MRAP: variants seen among roughly 807,000 people sequenced by gnomAD.
MRAP encodes the protein melanocortin 2 receptor accessory protein, also known as melanocortin-2 receptor accessory protein.
Under a neutral mutation model 8.7 loss-of-function variants are expected in MRAP, and 8 were observed. The ratio of observed to expected loss-of-function variants is 0.92; its 90% CI spans 0.54 to 1.66. The LOEUF (loss-of-function observed/expected upper bound fraction) is 1.66, where lower values mean the gene tolerates loss of function less well. Ranked by LOEUF, MRAP falls within the 40% of genes most tolerant of loss-of-function variation. The pLI is 0.00. For missense variants in MRAP, 237 were observed against 217.1 expected, an observed-to-expected ratio of 1.09 and a Z score of -0.58; for synonymous variants, 95 against 95.5, an observed-to-expected ratio of 1.00 and a Z score of 0.03.
chr21:32,303,514 C>T (rs1052062415), intron 1 of MRAP, among the ~76,000 whole-genome samples: 3 of 152,186 alleles, frequency 2.0e-5, no homozygotes, highest in Admixed American at 6.5e-5. Flanking sequence ...GGACTAATTC[C>T]CCTCATTCCA....
intron 1 of MRAP, among the ~76,000 whole-genome samples, chr21:32,302,745 G>A (rs943359838): frequency 2.0e-5 from 3 of 152,158 alleles, no homozygotes; most frequent in Non-Finnish European, 4.4e-5. Context: ...ACGGACACAC[G>A]GTGCTAGAAG....
At chr21:32,310,317 G>A (rs1011147882) in intron 2 of MRAP, among the ~76,000 whole-genome samples, 2 of 150,532 alleles carry the variant, frequency 1.3e-5, no homozygotes, top group African/African-American at 4.9e-5. Flanking sequence ...ATTCCCTGAG[G>A]AGCTGACACC....
chr21:32,305,523 G>A (rs2032393594), intron 1 of MRAP, among the ~76,000 whole-genome samples: 1 of 152,194 alleles, frequency 6.6e-6, no homozygotes, highest in South Asian at 2.1e-4. Context: ...CACTGCAGAA[G>A]TTCAGAGGAG....
Position 32,306,693 on chromosome 21 carries a change from T to C in MRAP, c.160T>C (p.Phe54Leu). 6.2e-7 allele frequency: 1 copy of C among 1,614,162 alleles called. No homozygotes were observed. Among genetic ancestry groups the C allele is most frequent in the Non-Finnish European group, 8.5e-7 (1 of 1,180,032 alleles). ...VSLAAFVVLL[F>L]LILLYMSWSA... ...CCTGGCTGCCTTCGTGGTGCTGCTCTTCCTCATCTTGCTCTACATGTCCTG... is the reference window on the plus strand; with the variant it reads ...CCTGGCTGCCTTCGTGGTGCTGCTCCTCCTCATCTTGCTCTACATGTCCTG... The change falls in exon 2 of 3, where the codon TTC becomes CTC. Residue 54 changes from phenylalanine to leucine, a missense_variant. Transcript: ENST00000303645.
chr21:32,308,332 G>A (rs1461166997), intron 2 of MRAP, among the ~76,000 whole-genome samples: 1 of 151,888 alleles, frequency 6.6e-6, no homozygotes, highest in African/African-American at 2.4e-5. Flanking sequence ...AACCGAGATT[G>A]CACCACTGCA....
chr21:32,312,008 C>T lies in MRAP; in HGVS notation c.*12C>T, dbSNP rs199770057. ...AATTGCAGAGCTGATGTCAGTAAATCGTGGCCATAGCTGAGTGAACTGGTG... is the reference window on the plus strand; with the variant it reads ...AATTGCAGAGCTGATGTCAGTAAATTGTGGCCATAGCTGAGTGAACTGGTG... On this transcript the variant is annotated 3_prime_UTR_variant, in exon 3 of 3. Coordinates refer to ENST00000303645, the MANE Select transcript of MRAP (RefSeq NM_001379228.1). The T allele has an allele frequency of 1.2e-5, 20 of 1,612,918 alleles. No individual in the cohort carries two copies. The East Asian group carries it at 2.2e-4, about 18-fold the overall frequency.
At chr21:32,305,342 C>G (rs1243895487) in intron 1 of MRAP, among the ~76,000 whole-genome samples, 1 of 151,940 alleles carries the variant, frequency 6.6e-6, no homozygotes, top group Middle Eastern at 3.2e-3. Flanking sequence ...TCAGTTTTTC[C>G]TGCTATCTCT....
chr21:32,311,417 C>A (rs948746548), intron 2 of MRAP: 4 of 292,022 alleles, frequency 1.4e-5, no homozygotes, highest in African/African-American at 4.4e-5. Flanking sequence ...CACCCCCCAC[C>A]CCCCCCATCC....
At chr21:32,300,849 T>C (rs2032273127) in intron 1 of MRAP, among the ~76,000 whole-genome samples, 1 of 151,354 alleles carries the variant, frequency 6.6e-6, no homozygotes, top group Non-Finnish European at 1.5e-5. Context: ...TCATGCGCCC[T>C]ATGTCAGGGG....
At chr21:32,314,516 T>C (rs1402631964), downstream of MRAP, 1 of 1,589,480 alleles carries the variant, frequency 6.3e-7, no homozygotes, top group Non-Finnish European at 8.6e-7. Flanking sequence ...CTCTTCGTTT[T>C]CATAAAAAAA....
chr21:32,293,296 C>CAAT (rs902433264), intron 2 of MRAP, among the ~76,000 whole-genome samples: 1 of 151,726 alleles, frequency 6.6e-6, no homozygotes, highest in Non-Finnish European at 1.5e-5. Context: ...TCCCATAAGA[C>CAAT]TCATTACAGG....
In MRAP at chr21:32,312,208, A is replaced by G. The variant is rs1163172356; in HGVS notation, c.*212A>G. Reference sequence around the variant, plus strand: ...ATCCCAGGTGTTGCTGAGTTTATTGAGCACACCTAGCCTGCTTGCTTACTG... The same window carrying G: ...ATCCCAGGTGTTGCTGAGTTTATTGGGCACACCTAGCCTGCTTGCTTACTG... On this transcript the variant is annotated 3_prime_UTR_variant, in exon 3 of 3. Coordinates refer to ENST00000303645, the MANE Select transcript of MRAP (RefSeq NM_001379228.1). The G allele has an allele frequency of 1.3e-6, 2 of 1,481,554 alleles. No homozygotes were observed. The highest frequency in any genetic ancestry group is 1.3e-5 in the South Asian group (1 of 74,478). The allele number at this position is 1,481,554 out of a possible 1,614,324, so 91.8% of individuals were successfully genotyped here. A position where few individuals can be genotyped will look rare whatever the true frequency, so the allele number is the denominator to read the frequency against.
upstream of MRAP, among the ~76,000 whole-genome samples, chr21:32,297,775 A>G (rs529135939): frequency 1.3e-5 from 2 of 152,232 alleles, no homozygotes; most frequent in East Asian, 1.9e-4. Context: ...GTTTTATTTT[A>G]CTTTTCAAGT....
At chr21:32,309,458 T>TG (rs2032500405) in intron 2 of MRAP, among the ~76,000 whole-genome samples, 1 of 150,222 alleles carries the variant, frequency 6.7e-6, no homozygotes, top group Middle Eastern at 3.2e-3. Context: ...CATTTTTTTT[T>TG]TTTTGTTTTT....
chr21:32,306,339 C>T, intron 1 of MRAP: 2 of 408,540 alleles, frequency 4.9e-6, no homozygotes, highest in Non-Finnish European at 9.3e-6. Flanking sequence ...CCACTAGGAG[C>T]CGGGCAAGCA....
chr21:32,306,778 C>A, intron 2 of MRAP, 39 bp downstream of exon 2: 1 of 1,497,710 alleles, frequency 6.7e-7, no homozygotes, highest in Non-Finnish European at 9.3e-7. Flanking sequence ...GTCACTCAGA[C>A]GCTCTCCAGT....
At chr21:32,310,710 A>G (rs1477441157) in intron 2 of MRAP, among the ~76,000 whole-genome samples, 1 of 150,292 alleles carries the variant, frequency 6.7e-6, no homozygotes, top group African/African-American at 2.5e-5. Flanking sequence ...GCAGTGGCGC[A>G]ATCTTGGCTC....
downstream of MRAP, chr21:32,313,007 A>T (rs1211831161): frequency 6.6e-6 from 1 of 152,288 alleles, no homozygotes; most frequent in African/African-American, 2.4e-5. Context: ...AGGGAGAACA[A>T]AGAAAAGCAA....
chr21:32,296,109 G>A (rs1365386563), upstream of MRAP, among the ~76,000 whole-genome samples: 2 of 152,132 alleles, frequency 1.3e-5, no homozygotes, highest in African/African-American at 2.4e-5. Flanking sequence ...ATTGTCAATG[G>A]CCATCTCCTC....
Sources: allele counts gnomAD v4.1 joint callset (sites outside exome capture counted in the v4.1 genomes callset), GRCh38; gene constraint gnomAD v4.1.1; transcripts MANE v1.5; gene names NCBI Gene and HGNC (gene_info 2026-07-23, HGNC 2026-07-21).